MVB12A: variants seen among roughly 807,000 people sequenced by gnomAD.
The protein encoded by MVB12A is CIN85/CD2AP family binding protein.
Under a neutral mutation model 34.3 loss-of-function variants are expected in MVB12A, and 30 were observed. That is an observed-to-expected ratio of 0.88 (90% CI 0.65 to 1.19). The LOEUF is 1.19. Among genes scored for constraint, MVB12A ranks in the 50% most tolerant of loss-of-function variants. The pLI is 0.00. For missense variants in MVB12A, 355 were observed against 369.2 expected, an observed-to-expected ratio of 0.96 and a Z score of 0.31; for synonymous variants, 158 against 158.9, an observed-to-expected ratio of 0.99 and a Z score of 0.04.
intron 2 of MVB12A, chr19:17,413,035 A>G (rs2074778459): frequency 6.6e-6 from 1 of 151,742 alleles, no homozygotes; most frequent in Admixed American, 6.6e-5. Context: ...TTACGTATGA[A>G]CAATTTGTGA....
At chr19:17,418,165 G>T (rs2074813353), upstream of MVB12A, 1 of 152,908 alleles carries the variant, frequency 6.5e-6, no homozygotes, top group South Asian at 2.0e-4. Flanking sequence ...AAAGTGCTGG[G>T]ATTACAGGCG....
intron 2 of MVB12A, 42 bp downstream of exon 2, chr19:17,420,453 C>T (rs756818299): frequency 1.5e-5 from 24 of 1,601,386 alleles, no homozygotes; most frequent in African/African-American, 4.0e-5. Context: ...GTCTGCCCAC[C>T]TCCCCTGCCC....
At position 17,423,761 on chromosome 19, in the gene MVB12A, A is replaced by T. The variant is rs370865828; in HGVS notation, c.602A>T (p.Asp201Val). The stretch of plus-strand genomic sequence containing the variant: ...CGGGCATCCACTCTGCGGAGGAATG[A>T]CTCCATCTACGAGGCCTCCAGCCTC... The part of the protein sequence containing the change: ...GSRASTLRRN[D>V]SIYEASSLYG... Residue 201 changes from aspartate to valine, a missense_variant, in exon 6 of 9, where the codon GAC becomes GTC. Asp to Val is a radical substitution (Grantham distance 152). Coordinates refer to ENST00000317040, the MANE Select transcript of MVB12A (RefSeq NM_138401.4). 3.1e-6 allele frequency: 5 copies of T among 1,613,762 alleles called. No homozygotes were observed. The highest frequency in any genetic ancestry group is 4.2e-6 in the Non-Finnish European group (5 of 1,179,902).
At position 17,420,146 on chromosome 19, in the gene MVB12A, T is replaced by TA; in HGVS notation, c.12dup (p.Pro5ThrfsTer53). The TA allele has an allele frequency of 7.3e-6, 10 of 1,366,550 alleles. No individual in the cohort carries two copies. Among genetic ancestry groups the TA allele is most frequent in the Non-Finnish European group, 9.4e-6 (10 of 1,065,040 alleles). 84.7% of individuals were successfully genotyped at this position (1,366,550 alleles called of 1,614,324 possible). ...CGCTCGGCTCGCAGGATGGATCCCG[T>TA]ACCCGGGACAGACTCGGCGCCGCTG... On this transcript the variant is annotated frameshift_variant, in exon 1 of 9. Transcript: ENST00000317040. LOFTEE classifies it high-confidence loss of function.
intron 4 of MVB12A, 117 bp from the exon 5 acceptor site, chr19:17,423,381 T>A (rs1278870179): frequency 2.8e-5 from 31 of 1,108,314 alleles, no homozygotes; most frequent in South Asian, 5.6e-5. Flanking sequence ...AAAAAAAAAA[T>A]TCCCCCAAAA....
chr19:17,415,510 T>C (rs957673309), upstream of MVB12A: 1 of 150,854 alleles, frequency 6.6e-6, no homozygotes, highest in African/African-American at 2.4e-5. Context: ...GTTCCGTTGC[T>C]TTTTTTGTAA....
At chr19:17,420,746 GGTGATGACAGGGTTGGCTGAGGA>G in intron 3 of MVB12A, 112 bp downstream of exon 3, 1 of 718,970 alleles carries the variant, frequency 1.4e-6, no homozygotes, top group East Asian at 2.6e-5. Flanking sequence ...TGGCACACGG[GGTGATGACAGGGTTGGCTGAGGA>G]CTCAGAGCCC....
At chr19:17,418,652 A>G (rs188821252), upstream of MVB12A, among the ~76,000 whole-genome samples, 23 of 152,012 alleles carry the variant, frequency 1.5e-4, no homozygotes, top group East Asian at 4.2e-3. Flanking sequence ...GGCCTCCCAA[A>G]GTGCTGGGAT....
rs551904121 is a variant in MVB12A, at chr19:17,425,196, C to G, written c.*203C>G. On this transcript the variant is annotated 3_prime_UTR_variant, in exon 9 of 9. Coordinates refer to ENST00000317040, the MANE Select transcript of MVB12A (RefSeq NM_138401.4). ...GGTCGAGGCTGCGTGGTGATGGGGT[C>G]TCCGCCCCCACGCCCTGCCGGGCAG... 7.5e-6 allele frequency: 4 copies of G among 535,268 alleles called. No homozygotes were observed. The highest frequency in any genetic ancestry group is 2.0e-5 in the African/African-American group (1 of 51,152). 33.2% of individuals were successfully genotyped at this position (535,268 alleles called of 1,614,324 possible).
rs781196057 is a variant in MVB12A, at chr19:17,409,441, CTT to C, written c.-5+3168_-5+3169del. Reference sequence around the variant, plus strand: ...CCACCGCTCCCAGCCTCTGCCATTACTTTTTTTTTTTTTTTTTTTTTTTTGAG... The same window carrying C: ...CCACCGCTCCCAGCCTCTGCCATTACTTTTTTTTTTTTTTTTTTTTTTGAG... On this transcript the variant is annotated intron_variant, in intron 2 of 6. Coordinates refer to the MVB12A transcript ENST00000528604. 4.7e-3 allele frequency among the ~76,000 whole-genome samples: 365 copies of C among 78,202 alleles called. 3 individuals are homozygous for C. Among genetic ancestry groups the C allele is most frequent in the African/African-American group, 0.019 (341 of 17,840 alleles). The allele number at this position is 78,202 out of a possible 152,430, so 51.3% of individuals were successfully genotyped here.
intron 2 of MVB12A, among the ~76,000 whole-genome samples, chr19:17,412,230 G>A (rs1568388059): frequency 6.6e-6 from 1 of 152,026 alleles, no homozygotes; most frequent in Non-Finnish European, 1.5e-5. Context: ...CCTTTCCCTC[G>A]GGCCTCTGCT....
In MVB12A at chr19:17,422,437, T is replaced by A. The variant is rs2074844236; in HGVS notation, c.392T>A (p.Val131Glu). Residue 131 changes from valine to glutamate, a missense_variant, in exon 4 of 9, where the codon GTG (valine) becomes GAG (glutamate). Physicochemically the swap from Val to Glu is moderately radical, Grantham distance 121. Coordinates refer to ENST00000317040, the MANE Select transcript of MVB12A (RefSeq NM_138401.4). ...CGGCTGAGTGGGAAGACCAAGACAG[T>A]GCCTGGATACCTTCGAATAGGGTAG... Reference protein sequence around the residue: ...DVRLSGKTKTVPGYLRIGDMG... With the variant: ...DVRLSGKTKTEPGYLRIGDMG... 1 of 1,612,688 alleles carries A rather than the reference T, an allele frequency of 6.2e-7. No individual in the cohort carries two copies. Among genetic ancestry groups the A allele is most frequent in the Admixed American group, 1.7e-5 (1 of 59,894 alleles).
intron 2 of MVB12A, among the ~76,000 whole-genome samples, chr19:17,410,529 T>TATATATATATACACACACACACACACAC: frequency 8.1e-5 from 6 of 74,432 alleles, no homozygotes; most frequent in African/African-American, 2.6e-4. Context: ...TATATATATA[T>TATATATATATACACACACACACACACAC]ACACACACAC....
rs2074832080 is a variant in MVB12A at position 17,420,587 on chromosome 19, G to T, written c.239G>T (p.Ser80Ile). The T allele has an allele frequency of 6.2e-7, 1 of 1,614,012 alleles. No homozygotes were observed. Among genetic ancestry groups the T allele is most frequent in the Non-Finnish European group, 8.5e-7 (1 of 1,179,934 alleles). Residue 80 changes from serine (S) to isoleucine (I), a missense_variant, in exon 3 of 9, where the codon AGC (serine) becomes ATC (isoleucine). Coordinates refer to ENST00000317040, the MANE Select transcript of MVB12A (RefSeq NM_138401.4). ...VADIQIVVDK[S>I]PLPLGFSPVC... ...GATATCCAGATCGTGGTGGACAAGAGCCCCCTGCCGCTGGGCTTCTCCCCC... is the reference window on the plus strand; with the variant it reads ...GATATCCAGATCGTGGTGGACAAGATCCCCCTGCCGCTGGGCTTCTCCCCC...
At chr19:17,418,228 G>A (rs1355684026), upstream of MVB12A, 3 of 171,314 alleles carry the variant, frequency 1.8e-5, no homozygotes, top group Non-Finnish European at 3.9e-5. Context: ...CTGTACATCT[G>A]CACAAAAAAA....
intron 2 of MVB12A, among the ~76,000 whole-genome samples, chr19:17,406,907 G>C (rs1383885313): frequency 6.6e-6 from 1 of 152,208 alleles, no homozygotes; most frequent in East Asian, 1.9e-4. Flanking sequence ...ACTTGTCCCA[G>C]GAGGAGGGAC....
upstream of MVB12A, chr19:17,417,092 A>G: frequency 2.6e-6 from 1 of 385,242 alleles, no homozygotes; most frequent in Non-Finnish European, 5.1e-6. Context: ...TGCACCGTCA[A>G]ACTTTCCTTT....
intron 8 of MVB12A, 113 bp from the exon 9 acceptor site, chr19:17,424,818 G>T: frequency 7.7e-7 from 1 of 1,291,880 alleles, no homozygotes; most frequent in African/African-American, 1.5e-5. Flanking sequence ...ATCTCTCCAG[G>T]GCAGAAGACC....
upstream of MVB12A, chr19:17,417,238 T>G (rs576538814): frequency 3.3e-5 from 6 of 181,698 alleles, no homozygotes; most frequent in East Asian, 8.6e-4. Flanking sequence ...TTTTTTTTTT[T>G]GCCACATCTC....
Sources: allele counts gnomAD v4.1 joint callset (sites outside exome capture counted in the v4.1 genomes callset), GRCh38; gene constraint gnomAD v4.1.1; transcripts MANE v1.5; gene names NCBI Gene and HGNC (gene_info 2026-07-23, HGNC 2026-07-21).